ACADVL: variants seen among roughly 807,000 people sequenced by gnomAD.
The protein encoded by ACADVL is acyl-CoA dehydrogenase very long chain, also known as very long-chain acyl-CoA dehydrogenase, mitochondrial.
In ACADVL, 73 loss-of-function variants were observed where a neutral mutation model predicts 80.4. The ratio of observed to expected loss-of-function variants is 0.91; its 90% CI spans 0.75 to 1.10. The LOEUF (loss-of-function observed/expected upper bound fraction) is 1.10, where lower values mean the gene tolerates loss of function less well. Among genes scored for constraint, ACADVL ranks in the 50% least tolerant of loss-of-function variants. The probability of loss-of-function intolerance (pLI) is 0.00; values close to 1 mark genes in which losing one functional copy is unlikely to be tolerated. For missense variants in ACADVL, 878 were observed against 858.9 expected, an observed-to-expected ratio of 1.02 and a Z score of -0.28; for synonymous variants, 392 against 326.5, an observed-to-expected ratio of 1.20 and a Z score of -2.16.
chr17:7,222,587 A>G lies in ACADVL; in HGVS notation c.879-80A>G, dbSNP rs2071282812. 4 of 1,408,664 alleles carry G rather than the reference A, an allele frequency of 2.8e-6. No homozygotes were observed. In the South Asian group the frequency reaches 3.7e-5, roughly 13 times the overall value. 87.3% of individuals were successfully genotyped at this position (1,408,664 alleles called of 1,614,324 possible). On this transcript the variant is annotated intron_variant, in intron 9 of 19. Coordinates refer to ENST00000356839, the MANE Select transcript of ACADVL (RefSeq NM_000018.4). The stretch of plus-strand genomic sequence containing the variant: ...AGTGGTCGTCATTCCTCCCTGGTGC[A>G]TAAGGAGCGAAGGAGCAGTTTTTCC...
chr17:7,220,386 C>T, intron 2 of ACADVL, 78 bp from the exon 3 acceptor site: 1 of 1,601,382 alleles, frequency 6.2e-7, no homozygotes. Context: ...CGCCGCCTCC[C>T]CGCGCGGCTC....
rs1422794870 is a variant in ACADVL, at chr17:7,222,195, C to T, written c.771C>T (p.Asp257=). The T allele has an allele frequency of 2.5e-6, 4 of 1,614,176 alleles. No homozygotes were observed. The highest frequency in any genetic ancestry group is 2.2e-5 in the East Asian group (1 of 44,886). Residue 257 remains aspartate, a synonymous_variant, in exon 9 of 20, where the codon GAC becomes GAT. Coordinates refer to ENST00000356839, the MANE Select transcript of ACADVL (RefSeq NM_000018.4). ...KLWISNGGLA[D]IFTVFAKTPV... ...TCCACAGTAATGGGGGCCTAGCAGA[C>T]ATCTTCACGGTCTTTGCCAAGACAC...
chr17:7,219,579 C>T, upstream of ACADVL: 1 of 1,125,318 alleles, frequency 8.9e-7, no homozygotes, highest in Non-Finnish European at 1.1e-6. Flanking sequence ...GTCTCTGCCT[C>T]TGCCATCTAC....
chr17:7,221,468 CCA>C (rs2071217757), intron 6 of ACADVL, 68 bp from the exon 7 acceptor site: 3 of 1,608,882 alleles, frequency 1.9e-6, no homozygotes, highest in Non-Finnish European at 1.7e-6. Flanking sequence ...GCCCTGTTGC[CCA>C]CACTCTCCTG....
upstream of ACADVL, chr17:7,219,816 G>A (rs2071093098): frequency 5.9e-6 from 9 of 1,530,862 alleles, no homozygotes; most frequent in East Asian, 1.2e-4. Context: ...CGGAACGCAG[G>A]GCCGGGCTCC....
upstream of ACADVL, chr17:7,218,463 C>A: frequency 6.8e-7 from 1 of 1,460,820 alleles, no homozygotes; most frequent in Non-Finnish European, 9.4e-7. Context: ...ACCAAATGAT[C>A]TCTGGGCTCC....
At chr17:7,219,366 T>TCTGAGCCC, upstream of ACADVL, 1 of 1,006,410 alleles carries the variant, frequency 9.9e-7, no homozygotes, top group South Asian at 3.9e-5. Flanking sequence ...CTCAGAGGCT[T>TCTGAGCCC]TACTAAGGGA....
chr17:7,218,037 G>A (rs2071014583), upstream of ACADVL, among the ~76,000 whole-genome samples: 1 of 151,784 alleles, frequency 6.6e-6, no homozygotes, highest in South Asian at 2.1e-4. Flanking sequence ...TGAAACTGGG[G>A]CAGCCAAAGA....
At chr17:7,221,299 A>AG in intron 6 of ACADVL, 1 of 920,354 alleles carries the variant, frequency 1.1e-6, no homozygotes, top group Non-Finnish European at 1.6e-6. Flanking sequence ...GGATTGCCTA[A>AG]CAATAGACTG....
intron 6 of ACADVL, 144 bp downstream of exon 6, chr17:7,221,202 AAACAT>A: frequency 7.3e-7 from 1 of 1,375,576 alleles, no homozygotes; most frequent in East Asian, 2.4e-5. Context: ...TTAACTGTCC[AAACAT>A]AACACAATTT....
chr17:7,219,444 C>T (rs1047624894), upstream of ACADVL: 2 of 1,023,992 alleles, frequency 2.0e-6, no homozygotes, highest in African/African-American at 3.5e-5. Flanking sequence ...AGTGAATGGC[C>T]TACATCTCAG....
chr17:7,221,334 C>T (rs953622301), intron 6 of ACADVL: 1 of 986,436 alleles, frequency 1.0e-6, no homozygotes, highest in African/African-American at 1.6e-5. Context: ...ACCCTCCTAC[C>T]TAGACCTAAG....
In ACADVL at chr17:7,223,164, G is replaced by A; in HGVS notation, c.1109G>A (p.Gly370Glu). Reference protein sequence around the residue: ...VDHATNRTQFGEKIHNFGLIQ... With the variant: ...VDHATNRTQFEEKIHNFGLIQ... Reference sequence around the variant, plus strand: ...CATGCCACTAATCGTACCCAGTTTGGGGAGAAAATTCACAACTTTGGGCTG... The same window carrying A: ...CATGCCACTAATCGTACCCAGTTTGAGGAGAAAATTCACAACTTTGGGCTG... The change falls in exon 11 of 20, where the codon GGG becomes GAG. Residue 370 changes from glycine (G) to glutamate (E), a missense_variant. Coordinates refer to ENST00000356839, the MANE Select transcript of ACADVL (RefSeq NM_000018.4). The A allele has an allele frequency of 6.2e-7, 1 of 1,614,112 alleles. No homozygotes were observed.
At position 7,220,782 on chromosome 17, in the gene ACADVL, G is replaced by C. The variant is rs794727695; in HGVS notation, c.294G>C (p.Gln98His). 1.2e-6 allele frequency: 2 copies of C among 1,614,124 alleles called. No individual in the cohort carries two copies. The highest frequency in any genetic ancestry group is 1.7e-6 in the Non-Finnish European group (2 of 1,180,036). The change falls in exon 5 of 20, where the codon CAG becomes CAC. Residue 98 changes from glutamine (Q) to histidine (H), a missense_variant. Gln to His is a conservative substitution (Grantham distance 24). Transcript: ENST00000356839. ...CCTCTGCAGTGCTCAACGAAGAGCA[G>C]ACACAGTTTCTTAAAGAGCTGGTGG... ...FPYPSVLNEEQTQFLKELVEP... is the reference protein window; with the variant it reads ...FPYPSVLNEEHTQFLKELVEP...
upstream of ACADVL, chr17:7,217,506 AG>A (rs1255797317): frequency 1.2e-3 from 94 of 76,738 alleles, no homozygotes; most frequent in East Asian, 7.5e-3. Context: ...GCCCCGGGGT[AG>A]GGGGGGGTCT....
rs1183757493 is a variant in ACADVL, at chr17:7,221,709, A to G, written c.622+27A>G. 3 of 1,613,156 alleles carry G rather than the reference A, an allele frequency of 1.9e-6. No individual in the cohort carries two copies. The African/African-American group carries it at 4.0e-5, about 22-fold the overall frequency. ...TGAGGCAACCCTAGGAGAGCCAGGG[A>G]TTGGGGGGCACACTGGGCTTGGCAC... On this transcript the variant is annotated intron_variant, in intron 7 of 19. Transcript: ENST00000356839.
chr17:7,219,059 C>T (rs1056420674), upstream of ACADVL: 14 of 616,796 alleles, frequency 2.3e-5, no homozygotes, highest in Non-Finnish European at 4.0e-5. Flanking sequence ...CCTAGCCACG[C>T]TCTCCTGAGA....
rs780420241 is a variant in ACADVL, at chr17:7,222,881, G to A, written c.1077+16G>A. ...TGCTAAGGCGGTGAGTACCCTGCCC[G>A]AGTCCCTAGGTAACCCAAACAGAAG... On this transcript the variant is annotated intron_variant, in intron 10 of 19. Coordinates refer to ENST00000356839, the MANE Select transcript of ACADVL (RefSeq NM_000018.4). The A allele has an allele frequency of 3.5e-5, 56 of 1,608,810 alleles. No homozygotes were observed. The highest frequency in any genetic ancestry group is 2.2e-4 in the Middle Eastern group (1 of 4,534).
chr17:7,219,741 G>T, upstream of ACADVL: 1 of 1,447,812 alleles, frequency 6.9e-7, no homozygotes, highest in Non-Finnish European at 9.1e-7. Flanking sequence ...TAGACTCTAG[G>T]TCGGACGGGC....
Sources: gnomAD v4.1 joint callset for allele counts (sites outside exome capture counted in the v4.1 genomes callset) on GRCh38, gnomAD v4.1.1 for gene constraint, MANE v1.5 for transcripts, NCBI Gene and HGNC (gene_info 2026-07-23, HGNC 2026-07-21) for gene names.